Variants in DNAJA4 observed in about 807,000 individuals in gnomAD.
DNAJA4 encodes DnaJ heat shock protein family (Hsp40) member A4.
DNAJA4 carries 32 observed loss-of-function variants against 39.7 expected under a neutral mutation model. The observed-to-expected ratio is 0.81, with a 90% CI of 0.61 to 1.08. DNAJA4 has a LOEUF of 1.08. Ranked by LOEUF, DNAJA4 falls within the 50% of genes least tolerant of loss-of-function variation. The pLI is 0.00. For synonymous variants in DNAJA4, 184 were observed against 182.4 expected, an observed-to-expected ratio of 1.01 and a Z score of -0.07; for missense variants, 439 against 505.1, an observed-to-expected ratio of 0.87 and a Z score of 1.25.
intron 1 of DNAJA4, chr15:78,270,289 T>C (rs1254689511): frequency 1.9e-6 from 1 of 526,446 alleles, no homozygotes; most frequent in Non-Finnish European, 3.4e-6. Context: ...CTACCACCAG[T>C]CCCTTAATAT....
Position 78,281,917 on chromosome 15 carries a change from T to G in DNAJA4, c.*1457T>G, listed in dbSNP as rs1373595310. ...TCAAAGTATAGAAACAGCCCACCTGTGCCCACTTTGACCATTGGTGAGGAT... is the reference window on the plus strand; with the variant it reads ...TCAAAGTATAGAAACAGCCCACCTGGGCCCACTTTGACCATTGGTGAGGAT... On this transcript the variant is annotated 3_prime_UTR_variant, in exon 7 of 7. Coordinates refer to ENST00000394852, the MANE Select transcript of DNAJA4 (RefSeq NM_001130182.2). The G allele has an allele frequency of 6.6e-6, 1 of 152,264 alleles. No individual in the cohort carries two copies. The highest frequency in any genetic ancestry group is 1.5e-5 in the Non-Finnish European group (1 of 68,050). The allele number at this position is 152,264 out of a possible 1,614,324, so 9.4% of individuals were successfully genotyped here.
chr15:78,280,404 G>T lies in DNAJA4; in HGVS notation c.1138G>T (p.Ala380Ser). Residue 380 changes from alanine (A) to serine (S), a missense_variant, in exon 7 of 7, where the codon GCC becomes TCC. Coordinates refer to ENST00000394852, the MANE Select transcript of DNAJA4 (RefSeq NM_001130182.2). ...NEQNWRQHRE[A>S]YEEDEDGPQA... ...GCAGAACTGGCGTCAGCACAGGGAG[G>T]CCTACGAGGAGGACGAAGACGGGCC... 1 of 1,614,028 alleles carries T rather than the reference G, an allele frequency of 6.2e-7. No homozygotes were observed. Among genetic ancestry groups the T allele is most frequent in the Non-Finnish European group, 8.5e-7 (1 of 1,180,010 alleles).
intron 5 of DNAJA4, among the ~76,000 whole-genome samples, chr15:78,278,727 C>G (rs1275955215): frequency 6.6e-6 from 1 of 151,906 alleles, no homozygotes; most frequent in Non-Finnish European, 1.5e-5. Flanking sequence ...TCTTGGCTCA[C>G]TGTACACTCT....
chr15:78,280,158 T>C lies in DNAJA4; in HGVS notation c.978+13T>C, dbSNP rs371265771. On this transcript the variant is annotated intron_variant, in intron 6 of 6. Transcript: ENST00000394852. ...CATACAGTTTTTAGTAAGTTCACTA[T>C]GTTTCATTGTCATGGACATATTATT... The C allele has an allele frequency of 7.9e-5, 127 of 1,613,440 alleles. No individual in the cohort carries two copies. The highest frequency in any genetic ancestry group is 1.6e-4 in the Middle Eastern group (1 of 6,084).
chr15:78,276,956 T>C (rs1223652742), intron 5 of DNAJA4, among the ~76,000 whole-genome samples: 1 of 152,234 alleles, frequency 6.6e-6, no homozygotes, highest in Non-Finnish European at 1.5e-5. Flanking sequence ...TTGGATTCTT[T>C]CAGGTTCCTC....
upstream of DNAJA4, chr15:78,264,383 G>A (rs1237695537): frequency 2.1e-6 from 3 of 1,436,784 alleles, no homozygotes; most frequent in South Asian, 2.7e-5. Context: ...GCAGACGCCC[G>A]AGAAGCCCAG....
At position 78,279,766 on chromosome 15, in the gene DNAJA4, C is replaced by G; in HGVS notation, c.878-279C>G. On this transcript the variant is annotated intron_variant, in intron 5 of 6. Transcript: ENST00000394852. The surrounding 1 kb of genome is among the most constrained non-coding windows in gnomAD (Gnocchi z 4.5). Reference sequence around the variant, plus strand: ...CTTGGGTGTCATGACTTCTAGTTCACTTGTTTTAAACCTACCTGTGATGGC... The same window carrying G: ...CTTGGGTGTCATGACTTCTAGTTCAGTTGTTTTAAACCTACCTGTGATGGC... The G allele has an allele frequency of 4.1e-6, 2 of 493,206 alleles. No individual in the cohort carries two copies. Among genetic ancestry groups the G allele is most frequent in the Non-Finnish European group, 7.2e-6 (2 of 277,110 alleles). 30.6% of individuals were successfully genotyped at this position (493,206 alleles called of 1,614,324 possible). A position where few individuals can be genotyped will look rare whatever the true frequency, so the allele number is the denominator to read the frequency against.
chr15:78,273,459 G>A (rs2049359072), intron 3 of DNAJA4, among the ~76,000 whole-genome samples: 1 of 152,086 alleles, frequency 6.6e-6, no homozygotes, highest in East Asian at 1.9e-4. Flanking sequence ...TAAGTTTTAG[G>A]GTGCATGTGC....
chr15:78,272,580 G>A (rs576298622), intron 2 of DNAJA4, among the ~76,000 whole-genome samples: 1 of 152,322 alleles, frequency 6.6e-6, no homozygotes, highest in African/African-American at 2.4e-5. Flanking sequence ...AACACCCACT[G>A]TCCTGAGTTG....
intron 1 of DNAJA4, among the ~76,000 whole-genome samples, chr15:78,268,152 G>C (rs1395417855): frequency 1.3e-5 from 2 of 152,168 alleles, no homozygotes; most frequent in Non-Finnish European, 1.5e-5. Context: ...TGAGTATCCA[G>C]GGTATTTGGT....
Position 78,264,661 on chromosome 15 carries a change from C to CT in DNAJA4, c.-103_-102insT. ...CGGCGGCGACCGTGACCGTGACGCG[C>CT]GAGCGGGCGGCGGGGGCGCGGGCCA... On this transcript the variant is annotated 5_prime_UTR_variant, in exon 1 of 7. Coordinates refer to ENST00000394852, the MANE Select transcript of DNAJA4 (RefSeq NM_001130182.2). The CT allele has an allele frequency of 9.8e-7, 1 of 1,016,320 alleles. No homozygotes were observed. The highest frequency in any genetic ancestry group is 1.2e-6 in the Non-Finnish European group (1 of 850,592). The allele number at this position is 1,016,320 out of a possible 1,614,324, so 63.0% of individuals were successfully genotyped here.
intron 1 of DNAJA4, chr15:78,265,332 C>A (rs2049091809): frequency 1.6e-6 from 1 of 621,174 alleles, no homozygotes; most frequent in Admixed American, 2.6e-5. Context: ...TGCATAAACC[C>A]TAGGGATGAG....
intron 1 of DNAJA4, chr15:78,270,147 A>T (rs574086361): frequency 5.6e-6 from 1 of 177,230 alleles, no homozygotes; most frequent in East Asian, 1.5e-4. Flanking sequence ...TCCTGGCTCT[A>T]TCTGGTTAGA....
intron 1 of DNAJA4, among the ~76,000 whole-genome samples, chr15:78,267,131 T>C (rs1290615894): frequency 1.7e-5 from 2 of 117,526 alleles, no homozygotes; most frequent in Admixed American, 8.1e-5. Context: ...CTTTTGTGAG[T>C]GTGTATGTGA....
At chr15:78,270,732 G>T in intron 2 of DNAJA4, 55 bp downstream of exon 2, 1 of 1,568,066 alleles carries the variant, frequency 6.4e-7, no homozygotes, top group South Asian at 1.2e-5. Flanking sequence ...AATTATACGT[G>T]TTGTTGGAAT....
intron 1 of DNAJA4, 91 bp from the exon 2 acceptor site, chr15:78,270,406 A>G: frequency 7.3e-7 from 1 of 1,365,722 alleles, no homozygotes; most frequent in East Asian, 2.3e-5. Flanking sequence ...GGGGCAGAAT[A>G]CCTCTATTAC....
chr15:78,281,554 C>T lies in DNAJA4; in HGVS notation c.*1094C>T, dbSNP rs2049657643. ...TGTGGATTACAGTTTGTATGGACTA[C>T]TACTGTAAATTATAGCTTGTTTGGA... On this transcript the variant is annotated 3_prime_UTR_variant, in exon 7 of 7. Transcript: ENST00000394852. 6.6e-6 allele frequency: 1 copy of T among 152,212 alleles called. No homozygotes were observed. Among genetic ancestry groups the T allele is most frequent in the Non-Finnish European group, 1.5e-5 (1 of 68,036 alleles). 9.4% of individuals were successfully genotyped at this position (152,212 alleles called of 1,614,324 possible).
At position 78,280,475 on chromosome 15, in the gene DNAJA4, G is replaced by A. The variant is rs1212680355; in HGVS notation, c.*15G>A. The A allele has an allele frequency of 3.1e-6, 5 of 1,593,426 alleles. No individual in the cohort carries two copies. Among genetic ancestry groups the A allele is most frequent in the East Asian group, 2.3e-5 (1 of 44,374 alleles). ...AGACGGCATGACGTGGTGCGGGGCA[G>A]CGTGGCCCCACCGGACTAGCACATG... On this transcript the variant is annotated 3_prime_UTR_variant, in exon 7 of 7. Transcript: ENST00000394852.
At chr15:78,280,005 CT>C in intron 5 of DNAJA4, 39 bp from the exon 6 acceptor site, 1 of 1,596,732 alleles carries the variant, frequency 6.3e-7, no homozygotes. Flanking sequence ...CTGCAGGCCC[CT>C]CTGCCTTCCT....
Sources: allele counts gnomAD v4.1 joint callset (sites outside exome capture counted in the v4.1 genomes callset), GRCh38; gene constraint gnomAD v4.1.1; non-coding constraint Gnocchi (gnomAD v3.1); transcripts MANE v1.5; gene names NCBI Gene and HGNC (gene_info 2026-07-23, HGNC 2026-07-21).